TSKS: variants seen among roughly 807,000 people sequenced by gnomAD.
TSKS encodes testis specific serine kinase substrate.
Under a neutral mutation model 68.0 loss-of-function variants are expected in TSKS, and 27 were observed. The observed-to-expected ratio is 0.40, with a 90% CI of 0.29 to 0.55. The LOEUF is 0.55. TSKS is among the 20% of genes least tolerant of loss of function. The probability of loss-of-function intolerance (pLI) is 0.53; values close to 1 mark genes in which losing one functional copy is unlikely to be tolerated. For synonymous variants in TSKS, 331 were observed against 340.4 expected (o/e 0.97, Z 0.30); for missense variants, 806 against 776.0 (o/e 1.04, Z -0.46).
intron 1 of TSKS, 28 bp from the exon 2 acceptor site, chr19:49,762,260 G>A: frequency 3.1e-6 from 5 of 1,592,124 alleles, no homozygotes; most frequent in Non-Finnish European, 3.4e-6. Flanking sequence ...GCAGAAAAGT[G>A]GAGAAGCAGC....
At chr19:49,755,306 C>T (rs1600198151) in intron 2 of TSKS, among the ~76,000 whole-genome samples, 1 of 152,118 alleles carries the variant, frequency 6.6e-6, no homozygotes, top group African/African-American at 2.4e-5. Flanking sequence ...AAGAAAGGGG[C>T]AGAAAGAATA....
chr19:49,752,022 C>T (rs896637616), intron 2 of TSKS, among the ~76,000 whole-genome samples: 5 of 151,660 alleles, frequency 3.3e-5, no homozygotes, highest in South Asian at 4.2e-4. Flanking sequence ...TGCAGTGAGC[C>T]GAGATTGCGC....
rs775215005 is a variant in TSKS, at chr19:49,763,228, T to C, written c.20A>G (p.Lys7Arg). The C allele has an allele frequency of 4.6e-6, 7 of 1,515,768 alleles. No homozygotes were observed. The highest frequency in any genetic ancestry group is 8.8e-7 in the Non-Finnish European group (1 of 1,132,980). The allele number at this position is 1,515,768 out of a possible 1,614,324, so 93.9% of individuals were successfully genotyped here. A position where few individuals can be genotyped will look rare whatever the true frequency, so the allele number is the denominator to read the frequency against. ...GATCTCTTTGGACTGCCAGATCGTCTTCACCACCACGCTCGCCATGGTGTG... is the reference window on the plus strand; with the variant it reads ...GATCTCTTTGGACTGCCAGATCGTCCTCACCACCACGCTCGCCATGGTGTG... MASVVV[K>R]TIWQSKEIHE... The change falls in exon 1 of 11, where the codon AAG becomes AGG. Residue 7 changes from lysine (K) to arginine (R), a missense_variant. Transcript: ENST00000246801. This position sits in a 1 kb window ranked among gnomAD's most constrained non-coding sequence, Gnocchi z 4.5.
At chr19:49,756,011 AAAAG>A (rs2084389784) in intron 2 of TSKS, among the ~76,000 whole-genome samples, 1 of 152,146 alleles carries the variant, frequency 6.6e-6, no homozygotes, top group Non-Finnish European at 1.5e-5. Context: ...AAAAAAAAAG[AAAAG>A]AAAGAAAGAA....
intron 5 of TSKS, 25 bp from the exon 6 acceptor site, chr19:49,746,823 C>A: frequency 6.3e-7 from 1 of 1,591,350 alleles, no homozygotes; most frequent in African/African-American, 1.3e-5. Flanking sequence ...AGGACGGGGT[C>A]ACAGCGTCCA....
At chr19:49,743,469 C>T (rs1023956861) in intron 8 of TSKS, among the ~76,000 whole-genome samples, 10 of 151,018 alleles carry the variant, frequency 6.6e-5, no homozygotes, top group East Asian at 1.9e-4. Flanking sequence ...CTGCAACCTC[C>T]GCCTCCCGGG....
intron 9 of TSKS, among the ~76,000 whole-genome samples, chr19:49,741,554 A>G (rs2084252368): frequency 6.6e-6 from 1 of 152,106 alleles, no homozygotes; most frequent in African/African-American, 2.4e-5. Context: ...CCTCTCTAAA[A>G]GTTTAGAGAA....
chr19:49,745,209 A>G lies in TSKS; in HGVS notation c.1180T>C (p.Cys394Arg). The change falls in exon 7 of 11, where the codon TGC (cysteine) becomes CGC (arginine). Residue 394 changes from cysteine to arginine, a missense_variant. Transcript: ENST00000246801. ...ACTGGCCCCAATCCTCACATGGTGC[A>G]CAGCTCATCCGCCCGACCTCGCAGC... ...QELRGRADEL[C>R]TMVERSAVSV... 1.3e-6 allele frequency: 2 copies of G among 1,598,300 alleles called. No individual in the cohort carries two copies. Among genetic ancestry groups the G allele is most frequent in the Non-Finnish European group, 8.5e-7 (1 of 1,172,478 alleles).
At position 49,739,903 on chromosome 19, in the gene TSKS, T is replaced by G. The variant is rs1446062058; in HGVS notation, c.1652A>C (p.His551Pro). ...ATCGTGGAGGGAGCACATCTTCAAG[T>G]GTAGATGGTCCAGAGTGGCCATCTT... is the stretch of plus-strand genomic sequence containing the variant. ...EEKMATLDHL[H>P]LKMCSLHDHL... The change falls in exon 11 of 11, where the codon CAC becomes CCC. Residue 551 changes from histidine (H) to proline (P), a missense_variant. Physicochemically the swap from His to Pro is moderately conservative, Grantham distance 77. Coordinates refer to ENST00000246801, the MANE Select transcript of TSKS (RefSeq NM_021733.2). 1 of 1,613,810 alleles carries G rather than the reference T, an allele frequency of 6.2e-7. No homozygotes were observed. The highest frequency in any genetic ancestry group is 2.2e-5 in the East Asian group (1 of 44,842).
chr19:49,753,561 C>CAATAATAATAATAAT (rs59369964), intron 2 of TSKS, among the ~76,000 whole-genome samples: 4,307 of 136,112 alleles, frequency 0.032, 142 homozygotes, highest in African/African-American at 0.08. Flanking sequence ...GACTCCATCT[C>CAATAATAATAATAAT]AATAATAATA....
intron 2 of TSKS, among the ~76,000 whole-genome samples, chr19:49,749,694 A>G (rs2084333193): frequency 6.6e-6 from 1 of 152,056 alleles, no homozygotes; most frequent in Non-Finnish European, 1.5e-5. Flanking sequence ...ATCATAGCTC[A>G]CCAGCTCCTG....
chr19:49,755,528 C>G (rs1465531052), intron 2 of TSKS, among the ~76,000 whole-genome samples: 2 of 151,834 alleles, frequency 1.3e-5, no homozygotes, highest in African/African-American at 4.8e-5. Context: ...AACCCTGTCT[C>G]ATAAAAAACA....
intron 2 of TSKS, among the ~76,000 whole-genome samples, chr19:49,753,145 G>T (rs1281890374): frequency 2.0e-5 from 3 of 152,174 alleles, no homozygotes; most frequent in Admixed American, 1.3e-4. Context: ...GCAACTACAG[G>T]CCAGGTGCAG....
intron 2 of TSKS, among the ~76,000 whole-genome samples, chr19:49,759,758 C>T (rs2084425190): frequency 6.6e-6 from 1 of 151,780 alleles, no homozygotes; most frequent in East Asian, 1.9e-4. Flanking sequence ...TCGCTTAAGC[C>T]CAAGGGTTTG....
chr19:49,754,208 C>T (rs2084375332), intron 2 of TSKS, among the ~76,000 whole-genome samples: 1 of 150,312 alleles, frequency 6.7e-6, no homozygotes, highest in Non-Finnish European at 1.5e-5. Flanking sequence ...TTTAAATGGC[C>T]AGTTTTCAGG....
intron 5 of TSKS, chr19:49,747,106 T>C (rs1483271045): frequency 2.0e-6 from 3 of 1,499,812 alleles, no homozygotes; most frequent in Non-Finnish European, 1.8e-6. Flanking sequence ...AGCATTTTGT[T>C]GGAAAATGAG....
intron 6 of TSKS, among the ~76,000 whole-genome samples, chr19:49,746,181 C>CA (rs201717038): frequency 0.048 from 7,159 of 150,714 alleles, 172 homozygotes; most frequent in East Asian, 0.073. Context: ...GACTCCGCCT[C>CA]AAAAAAAACA....
chr19:49,748,431 G>A lies in TSKS; in HGVS notation c.438C>T (p.Ser146=), dbSNP rs765336416. 4.3e-5 allele frequency: 69 copies of A among 1,614,240 alleles called. 1 individual carries two copies. The Middle Eastern group carries it at 3.6e-3, about 85-fold the overall frequency. ...VNSGLVRAKD[S]ITSLKEKTNR... is the part of the protein sequence containing the mutation. ...TGGTCTTTTCCTTCAAGCTGGTGAT[G>A]GAGTCTTTGGCGCGGACCAATCCAC... Residue 146 remains serine, a synonymous_variant, in exon 3 of 11, where the codon TCC becomes TCT. Transcript: ENST00000246801.
chr19:49,746,474 G>A lies in TSKS; in HGVS notation c.988C>T (p.Leu330=), dbSNP rs1303536030. Residue 330 remains leucine (L), a synonymous_variant, in exon 6 of 11, where the codon CTG becomes TTG. Transcript: ENST00000246801. The part of the protein sequence containing the change: ...LQKLFTGIEE[L]RREVSSLTAR... Reference sequence around the variant, plus strand: ...CCGCCCCTAGGTCCCGCCCACCTCAGCTCTTCGATGCCGGTGAACAGCTTC... The same window carrying A: ...CCGCCCCTAGGTCCCGCCCACCTCAACTCTTCGATGCCGGTGAACAGCTTC... 2.5e-6 allele frequency: 4 copies of A among 1,613,800 alleles called. No individual in the cohort carries two copies. Among genetic ancestry groups the A allele is most frequent in the Middle Eastern group, 1.6e-4 (1 of 6,082 alleles).
Sources: allele counts gnomAD v4.1 joint callset (sites outside exome capture counted in the v4.1 genomes callset), GRCh38; gene constraint gnomAD v4.1.1; non-coding constraint Gnocchi (gnomAD v3.1); transcripts MANE v1.5; gene names NCBI Gene and HGNC (gene_info 2026-07-23, HGNC 2026-07-21).